Variants in FBXL13 observed in about 807,000 individuals in gnomAD.
The protein encoded by FBXL13 is F-box and leucine rich repeat protein 13.
A neutral mutation model predicts 83.6 loss-of-function variants in FBXL13; 67 were observed. The ratio of observed to expected loss-of-function variants is 0.80; its 90% CI spans 0.66 to 0.98. FBXL13 has a LOEUF of 0.98. FBXL13 is among the 50% of genes least tolerant of loss of function. The pLI is 0.00. For missense variants in FBXL13, 822 were observed against 866.5 expected, an observed-to-expected ratio of 0.95 and a Z score of 0.64; for synonymous variants, 272 against 299.5, an observed-to-expected ratio of 0.91 and a Z score of 0.95.
chr7:103,016,776 G>T (rs988299404), intron 6 of FBXL13, among the ~76,000 whole-genome samples: 1 of 152,202 alleles, frequency 6.6e-6, no homozygotes, highest in African/African-American at 2.4e-5. Context: ...TGAGACTGGG[G>T]GAGGGGCGCC....
At chr7:102,974,479 A>G (rs1827193589) in intron 6 of FBXL13, among the ~76,000 whole-genome samples, 1 of 152,172 alleles carries the variant, frequency 6.6e-6, no homozygotes, top group African/African-American at 2.4e-5. Context: ...ACTGGCCACA[A>G]TACGAATTGA....
chr7:102,922,514 T>C (rs78051673), intron 10 of FBXL13, among the ~76,000 whole-genome samples: 3,408 of 152,318 alleles, frequency 0.022, 150 homozygotes, highest in East Asian at 0.16. Flanking sequence ...TATATTTTAC[T>C]ATTTTGCGGA....
intron 11 of FBXL13, among the ~76,000 whole-genome samples, chr7:102,909,117 C>T (rs144965038): frequency 1.3e-5 from 2 of 152,292 alleles, no homozygotes; most frequent in African/African-American, 4.8e-5. Context: ...CTATAGGATG[C>T]AGTCCTTCCC....
At chr7:102,935,344 C>T (rs960618283) in intron 8 of FBXL13, among the ~76,000 whole-genome samples, 33 of 146,114 alleles carry the variant, frequency 2.3e-4, no homozygotes, top group Admixed American at 1.6e-3. Flanking sequence ...CTCCACCTCC[C>T]GGGTTCGAGC....
At chr7:102,914,427 A>T (rs914624903) in intron 10 of FBXL13, among the ~76,000 whole-genome samples, 2 of 152,214 alleles carry the variant, frequency 1.3e-5, no homozygotes, top group Admixed American at 6.5e-5. Flanking sequence ...CTTCTAATGG[A>T]ATTAGCAATC....
chr7:102,841,208 T>C (rs915387237), intron 17 of FBXL13, among the ~76,000 whole-genome samples: 2 of 151,880 alleles, frequency 1.3e-5, no homozygotes, highest in Non-Finnish European at 2.9e-5. Context: ...CTGATGTTTA[T>C]TTTCCCTTTT....
At chr7:102,967,851 C>A (rs1471691812) in intron 7 of FBXL13, among the ~76,000 whole-genome samples, 171 bp downstream of exon 8, 3 of 152,178 alleles carry the variant, frequency 2.0e-5, no homozygotes, top group Non-Finnish European at 4.4e-5. Context: ...GCATTATTAT[C>A]TTTTTTATCT....
At chr7:102,876,975 T>C (rs1464895198) in intron 16 of FBXL13, among the ~76,000 whole-genome samples, 1 of 152,218 alleles carries the variant, frequency 6.6e-6, no homozygotes, top group Admixed American at 6.5e-5. Flanking sequence ...ATAAGATGGA[T>C]GTGGCCTGAG....
At chr7:102,995,119 A>C (rs183666081) in intron 6 of FBXL13, among the ~76,000 whole-genome samples, 6 of 152,214 alleles carry the variant, frequency 3.9e-5, no homozygotes, top group Non-Finnish European at 7.4e-5. Context: ...GACTTTATAA[A>C]TCTGGGCCCC....
chr7:102,963,426 G>T, intron 8 of FBXL13, 107 bp downstream of exon 9: 2 of 1,313,744 alleles, frequency 1.5e-6, no homozygotes, highest in South Asian at 1.3e-5. Flanking sequence ...GTATCCTTAT[G>T]ACCTAAAACT....
At chr7:102,822,589 G>A in intron 18 of FBXL13, 1 of 375,418 alleles carries the variant, frequency 2.7e-6, no homozygotes, top group Non-Finnish European at 5.2e-6. Context: ...GTGGGAGTTA[G>A]GGTTTCAACA....
In FBXL13 at chr7:103,030,635, T is replaced by C. The variant is rs556672906; in HGVS notation, c.1-1217A>G. ...AAATAAATAACTACAGTAAATGATA[T>C]GTCATAAAAATATGAGTATATTATA... On this transcript the variant is annotated intron_variant, in intron 2 of 19. Coordinates refer to ENST00000313221, the Ensembl canonical transcript of FBXL13. Among the ~76,000 whole-genome samples the C allele has an allele frequency of 1.6e-4, 24 of 152,118 alleles. No individual in the cohort carries two copies. The South Asian group carries it at 4.6e-3, about 29-fold the overall frequency.
intron 6 of FBXL13, among the ~76,000 whole-genome samples, chr7:102,982,119 C>T (rs1585233168): frequency 6.6e-6 from 1 of 152,162 alleles, no homozygotes; most frequent in African/African-American, 2.4e-5. Context: ...TTACTCCACC[C>T]AACACAGTAA....
intron 1 of FBXL13, among the ~76,000 whole-genome samples, chr7:103,064,351 G>A (rs1798195319): frequency 6.6e-6 from 1 of 152,236 alleles, no homozygotes; most frequent in South Asian, 2.1e-4. Context: ...AATGGGCTAG[G>A]TGAGGGAAGA....
At chr7:103,068,999 A>G (rs1168953948) in intron 1 of FBXL13, among the ~76,000 whole-genome samples, 1 of 151,562 alleles carries the variant, frequency 6.6e-6, no homozygotes, top group Non-Finnish European at 1.5e-5. Flanking sequence ...CAGCCGCCCC[A>G]CCATCTGGGA....
chr7:102,959,358 C>T (rs1824809135), intron 8 of FBXL13, among the ~76,000 whole-genome samples: 1 of 152,018 alleles, frequency 6.6e-6, no homozygotes. Context: ...CACTGTCTTG[C>T]GTTTGGAGTT....
rs60060071 is a variant in FBXL13 at position 102,834,090 on chromosome 7, G to GGAAGGAAGGAAGGAAGGA, written c.1720-1117_1720-1116insTCCTTCCTTCCTTCCTTC. On this transcript the variant is annotated intron_variant, in intron 17 of 19. Coordinates refer to ENST00000313221, the Ensembl canonical transcript of FBXL13. ...GAAGGAAGGAAGGAAGGAAAGAAAA[G>GGAAGGAAGGAAGGAAGGA]AAAGAAAGAAAGAAAGAAAGAAAGA... Among the ~76,000 whole-genome samples the GGAAGGAAGGAAGGAAGGA allele has an allele frequency of 2.0e-4, 14 of 70,504 alleles. 1 individual carries two copies. Among genetic ancestry groups the GGAAGGAAGGAAGGAAGGA allele is most frequent in the East Asian group, 1.9e-3 (5 of 2,620 alleles). The allele number at this position is 70,504 out of a possible 152,430, so 46.3% of individuals were successfully genotyped here.
At chr7:102,811,839 T>C (rs1274959775), downstream of FBXL13, among the ~76,000 whole-genome samples, 2 of 152,218 alleles carry the variant, frequency 1.3e-5, no homozygotes, top group African/African-American at 4.8e-5. Context: ...GTTGCCTGTG[T>C]GCCCACTCCT....
chr7:103,056,226 T>TATCA (rs1797318269), intron 1 of FBXL13, among the ~76,000 whole-genome samples: 1 of 152,222 alleles, frequency 6.6e-6, no homozygotes, highest in South Asian at 2.1e-4. Flanking sequence ...ATATATATGA[T>TATCA]GTGATATATA....
Sources: gnomAD v4.1 joint callset for allele counts (sites outside exome capture counted in the v4.1 genomes callset) on GRCh38, gnomAD v4.1.1 for gene constraint, MANE v1.5 for transcripts, NCBI Gene and HGNC (gene_info 2026-07-23, HGNC 2026-07-21) for gene names.